ZYG11B: variants seen among roughly 807,000 people sequenced by gnomAD.
ZYG11B encodes the protein protein zyg-11 homolog B.
ZYG11B carries 36 observed loss-of-function variants against 82.4 expected under a neutral mutation model. The observed-to-expected ratio is 0.44, with a 90% CI of 0.33 to 0.58. ZYG11B has a LOEUF of 0.58. ZYG11B is among the 20% of genes least tolerant of loss of function. The pLI, the probability that ZYG11B is intolerant of heterozygous loss-of-function variation, is 0.02. For synonymous variants in ZYG11B, 303 were observed against 312.8 expected (o/e 0.97, Z 0.33); for missense variants, 552 against 895.6 (o/e 0.62, Z 4.90).
rs1487895871 is a variant in ZYG11B, at chr1:52,824,359, G to C, written c.*2730G>C. 1 of 152,116 alleles carries C rather than the reference G, an allele frequency of 6.6e-6. No individual in the cohort carries two copies. The highest frequency in any genetic ancestry group is 1.5e-5 in the Non-Finnish European group (1 of 68,102). The allele number at this position is 152,116 out of a possible 1,614,324, so 9.4% of individuals were successfully genotyped here. On this transcript the variant is annotated 3_prime_UTR_variant, in exon 14 of 14. Transcript: ENST00000294353. The stretch of plus-strand genomic sequence containing the variant: ...ACTTCTGAGTCTTAAAAGCATAATA[G>C]GCCGGGCGCGGTGGCTCACGCCTGT...
At chr1:52,763,042 G>A (rs1162965606) in intron 2 of ZYG11B, among the ~76,000 whole-genome samples, 1 of 148,320 alleles carries the variant, frequency 6.7e-6, no homozygotes, top group Non-Finnish European at 1.5e-5. Context: ...ACCATTTATT[G>A]ACCAGACTGT....
intron 1 of ZYG11B, among the ~76,000 whole-genome samples, chr1:52,728,121 C>T (rs148711254): frequency 5.8e-4 from 89 of 152,264 alleles, no homozygotes; most frequent in African/African-American, 2.1e-3. Flanking sequence ...AGGTAGCAAC[C>T]GTTCCTTACT....
Position 52,821,472 on chromosome 1 carries a change from G to C in ZYG11B, c.2078G>C (p.Gly693Ala). The change falls in exon 14 of 14, where the codon GGA (glycine) becomes GCA (alanine). Residue 693 changes from glycine to alanine, a missense_variant. Gly to Ala is a moderately conservative substitution (Grantham distance 60, BLOSUM62 0). Transcript: ENST00000294353. ...SRYCSMLIEE[G>A]GLQHLYNIKD... ...TATTGCAGCATGCTGATTGAAGAAG[G>C]AGGATTGCAGCATTTATACAACATC... 1 of 1,605,092 alleles carries C rather than the reference G, an allele frequency of 6.2e-7. No individual in the cohort carries two copies. Among genetic ancestry groups the C allele is most frequent in the Non-Finnish European group, 8.5e-7 (1 of 1,174,682 alleles).
At chr1:52,769,257 G>T (rs1434377981) in intron 2 of ZYG11B, among the ~76,000 whole-genome samples, 1 of 152,038 alleles carries the variant, frequency 6.6e-6, no homozygotes, top group South Asian at 2.1e-4. Flanking sequence ...AATTTGAAAG[G>T]CTGTCTCTAG....
chr1:52,806,570 T>C (rs941058796), intron 10 of ZYG11B, among the ~76,000 whole-genome samples: 1 of 148,016 alleles, frequency 6.8e-6, no homozygotes, highest in African/African-American at 2.7e-5. Flanking sequence ...CCAAATGACT[T>C]TCTTTACCCC....
Position 52,796,635 on chromosome 1 carries a change from G to A in ZYG11B, c.1435-99G>A, listed in dbSNP as rs148925852. The A allele has an allele frequency of 2.7e-6, 3 of 1,093,242 alleles. No individual in the cohort carries two copies. In the African/African-American group the frequency reaches 4.8e-5, roughly 17 times the overall value. The allele number at this position is 1,093,242 out of a possible 1,614,324, so 67.7% of individuals were successfully genotyped here. A position where few individuals can be genotyped will look rare whatever the true frequency, so the allele number is the denominator to read the frequency against. ...ATGCAGCAGAATTCCAAGTTGATCA[G>A]AGATTTTAGTCTCACCTTTGGAGTG... On this transcript the variant is annotated intron_variant, in intron 7 of 13. Transcript: ENST00000294353.
chr1:52,783,768 G>A (rs552215647), intron 4 of ZYG11B, among the ~76,000 whole-genome samples: 52 of 101,214 alleles, frequency 5.1e-4, no homozygotes, highest in Non-Finnish European at 7.9e-4. Flanking sequence ...GACTATAGGC[G>A]TGTACTACCA....
intron 4 of ZYG11B, among the ~76,000 whole-genome samples, chr1:52,781,004 TGTG>T (rs1445881331): frequency 4.0e-5 from 6 of 149,398 alleles, no homozygotes; most frequent in African/African-American, 1.2e-4. Context: ...ATTAGCCAAA[TGTG>T]GTGGTGCACG....
intron 1 of ZYG11B, among the ~76,000 whole-genome samples, chr1:52,739,825 T>TAAGAC (rs1644409696): frequency 6.6e-6 from 1 of 151,908 alleles, no homozygotes; most frequent in Non-Finnish European, 1.5e-5. Flanking sequence ...GGGCTGGTCT[T>TAAGAC]GAACTCCTGA....
chr1:52,746,024 G>A (rs914737574), intron 1 of ZYG11B, among the ~76,000 whole-genome samples: 29 of 150,786 alleles, frequency 1.9e-4, no homozygotes, highest in African/African-American at 6.8e-4. Context: ...AGTGGCACTC[G>A]ATCTCGGCTC....
intron 1 of ZYG11B, among the ~76,000 whole-genome samples, chr1:52,741,298 CAAAAAAAA>C (rs770092920): frequency 2.8e-5 from 2 of 72,222 alleles, no homozygotes; most frequent in Non-Finnish European, 5.5e-5. Flanking sequence ...GACTTCGTCT[CAAAAAAAA>C]AAAAAAAAAA....
chr1:52,769,284 C>T (rs983046964), intron 2 of ZYG11B, among the ~76,000 whole-genome samples: 14 of 151,484 alleles, frequency 9.2e-5, no homozygotes, highest in Admixed American at 2.6e-4. Context: ...ATTGTTTAAT[C>T]GAAATGTAAT....
intron 1 of ZYG11B, among the ~76,000 whole-genome samples, chr1:52,734,005 T>C (rs1281841052): frequency 6.6e-6 from 1 of 152,164 alleles, no homozygotes; most frequent in Non-Finnish European, 1.5e-5. Flanking sequence ...TTTTTTGTTT[T>C]GTTTTTTCAT....
intron 12 of ZYG11B, among the ~76,000 whole-genome samples, chr1:52,815,228 A>G (rs1645213428): frequency 6.6e-6 from 1 of 152,162 alleles, no homozygotes; most frequent in Non-Finnish European, 1.5e-5. Context: ...TGGGCCTGGC[A>G]TGGTGGCTCA....
chr1:52,789,460 A>T (rs987932899), intron 5 of ZYG11B, among the ~76,000 whole-genome samples: 1 of 152,162 alleles, frequency 6.6e-6, no homozygotes, highest in Admixed American at 6.5e-5. Context: ...TCACCTTTCT[A>T]TTATGATGGT....
chr1:52,790,792 T>TTG (rs1324194119), intron 6 of ZYG11B, among the ~76,000 whole-genome samples: 1 of 147,904 alleles, frequency 6.8e-6, no homozygotes, highest in African/African-American at 2.5e-5. Flanking sequence ...TTTTTTTTTT[T>TTG]GTAACATGTC....
chr1:52,765,311 T>A (rs1007533159), intron 2 of ZYG11B, among the ~76,000 whole-genome samples: 1 of 152,100 alleles, frequency 6.6e-6, no homozygotes, highest in African/African-American at 2.4e-5. Flanking sequence ...CAAGCAGTCC[T>A]CCTGCCTCAG....
rs1645203200 is a variant in ZYG11B, at chr1:52,813,869, A to C, written c.1903A>C (p.Ile635Leu). Residue 635 changes from isoleucine to leucine, a missense_variant, in exon 12 of 14, where the codon ATT becomes CTT. Physicochemically the swap from Ile to Leu is conservative, Grantham distance 5 (BLOSUM62 2). Around this residue, in one of 3 missense-constraint regions of ZYG11B, gnomAD observed 127 missense variants for 163.4 expected, o/e 0.78. Coordinates refer to ENST00000294353, the MANE Select transcript of ZYG11B (RefSeq NM_024646.3). ...GTCTTTTGTCTTCCAGCATTCAGCTATTTTGAAATGGCCAACTCCAGAGTG... is the reference window on the plus strand; with the variant it reads ...GTCTTTTGTCTTCCAGCATTCAGCTCTTTTGAAATGGCCAACTCCAGAGTG... The part of the protein sequence containing the change: ...NSLLDDLHSA[I>L]LKWPTPECEM... 1 of 1,614,024 alleles carries C rather than the reference A, an allele frequency of 6.2e-7. No individual in the cohort carries two copies. The highest frequency in any genetic ancestry group is 1.3e-5 in the African/African-American group (1 of 74,918).
chr1:52,808,321 G>A (rs1004242946), intron 10 of ZYG11B, among the ~76,000 whole-genome samples: 30 of 152,090 alleles, frequency 2.0e-4, no homozygotes, highest in African/African-American at 7.0e-4. Flanking sequence ...CCGAGATCAC[G>A]CCATTGCACT....
Sources: allele counts gnomAD v4.1 joint callset (sites outside exome capture counted in the v4.1 genomes callset), GRCh38; gene constraint gnomAD v4.1.1; regional missense constraint gnomAD v4.1.1; transcripts MANE v1.5; gene names NCBI Gene and HGNC (gene_info 2026-07-23, HGNC 2026-07-21).